GPBP1: variants seen among roughly 807,000 people sequenced by gnomAD.
GPBP1 encodes GC-rich promoter binding protein 1.
Under a neutral mutation model 56.5 loss-of-function variants are expected in GPBP1, and 13 were observed. The ratio of observed to expected loss-of-function variants is 0.23; its 90% CI spans 0.15 to 0.37. The LOEUF is 0.37. GPBP1 is among the 10% of genes least tolerant of loss of function. The probability of loss-of-function intolerance (pLI) is 1.00; values close to 1 mark genes in which losing one functional copy is unlikely to be tolerated. For synonymous variants in GPBP1, 204 were observed against 188.9 expected, an observed-to-expected ratio of 1.08 and a Z score of -0.66; for missense variants, 477 against 572.3, an observed-to-expected ratio of 0.83 and a Z score of 1.70.
intron 2 of GPBP1, among the ~76,000 whole-genome samples, chr5:57,194,685 T>C (rs540070576): frequency 1.2e-4 from 19 of 152,268 alleles, no homozygotes; most frequent in African/African-American, 4.6e-4. Flanking sequence ...CCCCAGCCTC[T>C]AGTAACCATT....
At chr5:57,255,503 G>A (rs1316482271) in intron 10 of GPBP1, among the ~76,000 whole-genome samples, 1 of 152,238 alleles carries the variant, frequency 6.6e-6, no homozygotes, top group Non-Finnish European at 1.5e-5. Flanking sequence ...AAAGGCCTGT[G>A]TGTAGAAAGG....
At chr5:57,219,419 CA>C (rs5868039) in intron 3 of GPBP1, among the ~76,000 whole-genome samples, 4 of 68,054 alleles carry the variant, frequency 5.9e-5, no homozygotes, top group Non-Finnish European at 5.9e-5. Context: ...AACAAACAAA[CA>C]AAAAAAAAAA....
chr5:57,238,953 G>A (rs1348768570), intron 6 of GPBP1, among the ~76,000 whole-genome samples: 1 of 152,164 alleles, frequency 6.6e-6, no homozygotes, highest in Non-Finnish European at 1.5e-5. Context: ...TTTGCCACAA[G>A]CATACAGATT....
chr5:57,212,898 C>T (rs1755551637), intron 2 of GPBP1, among the ~76,000 whole-genome samples: 1 of 151,838 alleles, frequency 6.6e-6, no homozygotes, highest in African/African-American at 2.4e-5. Flanking sequence ...GTCTTAAACT[C>T]CTGACCTCAA....
At chr5:57,255,667 A>G (rs1395174883) in intron 10 of GPBP1, among the ~76,000 whole-genome samples, 1 of 152,242 alleles carries the variant, frequency 6.6e-6, no homozygotes, top group Non-Finnish European at 1.5e-5. Context: ...GAAAGTTGTC[A>G]CCTAATATCT....
At chr5:57,214,049 A>C in intron 2 of GPBP1, 25 bp from the exon 3 acceptor site, 2 of 1,133,436 alleles carry the variant, frequency 1.8e-6, no homozygotes, top group Non-Finnish European at 2.7e-6. Context: ...CTGCAGGTCT[A>C]ATTCCTTCCA....
chr5:57,250,211 C>G (rs1346017034), intron 9 of GPBP1, among the ~76,000 whole-genome samples: 3 of 151,556 alleles, frequency 2.0e-5, no homozygotes, highest in African/African-American at 7.3e-5. Context: ...ACCACGTTGG[C>G]CAGACTGGTC....
chr5:57,239,258 C>T (rs951488525), intron 6 of GPBP1, among the ~76,000 whole-genome samples: 1 of 152,102 alleles, frequency 6.6e-6, no homozygotes, highest in African/African-American at 2.4e-5. Context: ...CAGCTTGACC[C>T]AAGTACATTT....
chr5:57,232,282 A>G (rs759037611), intron 5 of GPBP1, among the ~76,000 whole-genome samples: 1 of 152,202 alleles, frequency 6.6e-6, no homozygotes, highest in Non-Finnish European at 1.5e-5. Context: ...AAAGTAAAGT[A>G]GAGGTTCTTC....
rs556447178 is a variant in GPBP1 at position 57,174,605 on chromosome 5, G to A, written c.-1011+394G>A. Among the ~76,000 whole-genome samples, 18 of 152,252 alleles carry A rather than the reference G, an allele frequency of 1.2e-4. No individual in the cohort carries two copies. The South Asian group carries it at 3.7e-3, about 32-fold the overall frequency. On this transcript the variant is annotated intron_variant, in intron 1 of 11. Coordinates refer to ENST00000506184, the MANE Select transcript of GPBP1 (RefSeq NM_022913.4). ...CCTTCTCAGGGCTGAGGGAGTCGAG[G>A]CCGAGTTGTGGCCTTCGGCGGTTTC...
chr5:57,237,635 G>A (rs1370207147), intron 6 of GPBP1: 1 of 159,922 alleles, frequency 6.3e-6, no homozygotes, highest in Non-Finnish European at 1.4e-5. Flanking sequence ...CTTCCCATAG[G>A]AATACAATGA....
chr5:57,175,336 A>G (rs866970069), intron 1 of GPBP1, 112 bp from the exon 2 acceptor site: 3 of 385,286 alleles, frequency 7.8e-6, no homozygotes, highest in Non-Finnish European at 1.4e-5. Flanking sequence ...AGGCTCCTGT[A>G]GGGTTATATA....
chr5:57,180,140 G>A (rs1037076865), intron 2 of GPBP1, among the ~76,000 whole-genome samples: 1 of 152,078 alleles, frequency 6.6e-6, no homozygotes, highest in East Asian at 1.9e-4. Flanking sequence ...TTTCTGAGAC[G>A]GAGTTTTGCT....
intron 2 of GPBP1, among the ~76,000 whole-genome samples, chr5:57,183,427 C>G (rs1287848614): frequency 1.3e-5 from 2 of 152,108 alleles, no homozygotes; most frequent in East Asian, 1.9e-4. Context: ...GTTATCCTTT[C>G]TCCGAAACTG....
chr5:57,219,412 AAAC>A lies in GPBP1; in HGVS notation c.63+5222_63+5224del, dbSNP rs1464413613. Among the ~76,000 whole-genome samples the A allele has an allele frequency of 6.5e-3, 389 of 59,790 alleles. 56 individuals carry two copies. Among genetic ancestry groups the A allele is most frequent in the African/African-American group, 0.045 (357 of 7,972 alleles). 39.2% of individuals were successfully genotyped at this position (59,790 alleles called of 152,430 possible). A position where few individuals can be genotyped will look rare whatever the true frequency, so the allele number is the denominator to read the frequency against. ...AAAAAAAAAAAAAAAAACCAAAAACAAACAAACAAAAAAAAAAACAACAAAACC... is the reference window on the plus strand; with the variant it reads ...AAAAAAAAAAAAAAAAACCAAAAACAAAACAAAAAAAAAAACAACAAAACC... On this transcript the variant is annotated intron_variant, in intron 3 of 11. Transcript: ENST00000506184.
intron 5 of GPBP1, among the ~76,000 whole-genome samples, chr5:57,232,960 T>TAGAG (rs914086171): frequency 6.6e-6 from 1 of 152,114 alleles, no homozygotes; most frequent in African/African-American, 2.4e-5. Flanking sequence ...TAGACAAGGT[T>TAGAG]AGAGAGAGAG....
chr5:57,212,938 C>T (rs1232618856), intron 2 of GPBP1, among the ~76,000 whole-genome samples: 1 of 152,012 alleles, frequency 6.6e-6, no homozygotes, highest in Non-Finnish European at 1.5e-5. Context: ...CAGCCCCCTC[C>T]CTCAAAGTGA....
chr5:57,232,553 C>A (rs1756504017), intron 5 of GPBP1, among the ~76,000 whole-genome samples: 1 of 152,176 alleles, frequency 6.6e-6, no homozygotes, highest in South Asian at 2.1e-4. Context: ...CCACAAGTTA[C>A]TTCCTCCTTC....
At chr5:57,247,523 T>TA (rs1741149271) in intron 8 of GPBP1, among the ~76,000 whole-genome samples, 1 of 151,940 alleles carries the variant, frequency 6.6e-6, no homozygotes, top group Non-Finnish European at 1.5e-5. Flanking sequence ...ACCCTGTCTC[T>TA]ACTTAAAAAA....
Sources: gnomAD v4.1 joint callset for allele counts (sites outside exome capture counted in the v4.1 genomes callset) on GRCh38, gnomAD v4.1.1 for gene constraint, MANE v1.5 for transcripts, NCBI Gene and HGNC (gene_info 2026-07-23, HGNC 2026-07-21) for gene names.